The following FRMPD4 variants were observed in gnomAD, a reference collection of about 807,000 sequenced individuals.
FRMPD4 encodes FERM and PDZ domain-containing protein 4.
In FRMPD4, 22 loss-of-function variants were observed where a neutral mutation model predicts 94.1. That is an observed-to-expected ratio of 0.23 (90% confidence interval 0.17 to 0.33). The LOEUF (loss-of-function observed/expected upper bound fraction) is 0.33, where lower values mean the gene tolerates loss of function less well. Ranked by LOEUF, FRMPD4 falls within the 10% of genes least tolerant of loss-of-function variation. The probability of loss-of-function intolerance (pLI) is 1.00; values close to 1 mark genes in which losing one functional copy is unlikely to be tolerated. For missense variants in FRMPD4, 1,111 were observed against 1,339.9 expected, an observed-to-expected ratio of 0.83 and a Z score of 2.67; for synonymous variants, 631 against 548.6, an observed-to-expected ratio of 1.15 and a Z score of -2.10.
intron 1 of FRMPD4, among the ~76,000 whole-genome samples, chrX:12,156,335 G>T (rs181315901): frequency 9.0e-6 from 1 of 111,698 alleles, no homozygotes; most frequent in Non-Finnish European, 1.9e-5. Context: ...ATGGCCATCT[G>T]ATACCTCTGC....
At chrX:12,079,623 A>G (rs1266580485) in intron 3 of FRMPD4, among the ~76,000 whole-genome samples, 1 of 112,175 alleles carries the variant, frequency 8.9e-6, no homozygotes, top group Non-Finnish European at 1.9e-5. Flanking sequence ...CCATAAATCT[A>G]AAGTACTGGC....
chrX:11,902,401 C>T (rs1331009649), intron 3 of FRMPD4, among the ~76,000 whole-genome samples: 1 of 111,338 alleles, frequency 9.0e-6, no homozygotes, highest in Non-Finnish European at 1.9e-5. Context: ...TGTGCTGTGT[C>T]CTTACATGGC....
intron 4 of FRMPD4, among the ~76,000 whole-genome samples, chrX:12,664,693 GGTATCAGGACGATGCT>G (rs2059756491): frequency 8.9e-6 from 1 of 111,767 alleles, no homozygotes; most frequent in African/African-American, 3.3e-5. Flanking sequence ...TCCAGGTTTT[GGTATCAGGACGATGCT>G]GGCCTCATAA....
chrX:12,210,276 A>G (rs1263402278), intron 1 of FRMPD4, among the ~76,000 whole-genome samples: 2 of 112,175 alleles, frequency 1.8e-5, no homozygotes, highest in Non-Finnish European at 3.8e-5. Context: ...ATTGGAACCA[A>G]TCTTCCTAGT....
chrX:11,906,646 C>G (rs933959400), intron 3 of FRMPD4, among the ~76,000 whole-genome samples: 6 of 109,824 alleles, frequency 5.5e-5, no homozygotes, highest in African/African-American at 2.0e-4. Context: ...CAAGATTTTT[C>G]TTTTTCTATG....
intron 1 of FRMPD4, among the ~76,000 whole-genome samples, chrX:12,269,405 C>G (rs2054321157): frequency 9.0e-6 from 1 of 111,566 alleles, no homozygotes; most frequent in South Asian, 3.8e-4. Flanking sequence ...ATGATAGGCT[C>G]TGTTCTATAC....
chrX:12,550,726 C>A (rs1319192178), intron 2 of FRMPD4, among the ~76,000 whole-genome samples: 1 of 110,321 alleles, frequency 9.1e-6, no homozygotes, highest in Non-Finnish European at 1.9e-5. Flanking sequence ...TAATAATACT[C>A]CTCAATTCAT....
At chrX:11,919,061 T>A (rs1469947043) in intron 3 of FRMPD4, among the ~76,000 whole-genome samples, 2 of 112,703 alleles carry the variant, frequency 1.8e-5, no homozygotes, top group Non-Finnish European at 3.8e-5. Flanking sequence ...ACTTTTCTGC[T>A]ACTTGCTGTG....
At chrX:12,580,268 C>T (rs977523782) in intron 2 of FRMPD4, among the ~76,000 whole-genome samples, 2 of 111,234 alleles carry the variant, frequency 1.8e-5, no homozygotes, top group Non-Finnish European at 1.9e-5. Context: ...AACAAGGGGC[C>T]AGAGTTTGGG....
At chrX:12,307,619 G>C (rs757403523) in intron 1 of FRMPD4, among the ~76,000 whole-genome samples, 1 of 111,921 alleles carries the variant, frequency 8.9e-6, no homozygotes, top group African/African-American at 3.2e-5. Flanking sequence ...CTTCTGAGGT[G>C]CTGGAAATAG....
intron 15 of FRMPD4, 64 bp from the exon 16 acceptor site, chrX:12,717,437 C>T: frequency 1.3e-6 from 1 of 751,536 alleles, no homozygotes; most frequent in Non-Finnish European, 2.0e-6. Context: ...GTCCCATTTT[C>T]TTACATGTCT....
At chrX:12,371,406 A>C (rs1216837970) in intron 1 of FRMPD4, among the ~76,000 whole-genome samples, 1 of 112,637 alleles carries the variant, frequency 8.9e-6, no homozygotes, top group Non-Finnish European at 1.9e-5. Flanking sequence ...GAAGAGAAGA[A>C]AAAGCATGGG....
intron 1 of FRMPD4, among the ~76,000 whole-genome samples, chrX:12,427,895 CTCTTTTTTT>C (rs2056965147): frequency 1.3e-4 from 8 of 60,796 alleles, no homozygotes; most frequent in Non-Finnish European, 1.5e-4. Context: ...TTCCTTTTTT[CTCTTTTTTT>C]TTTTTTTTTT....
intron 1 of FRMPD4, among the ~76,000 whole-genome samples, chrX:12,255,273 C>CA (rs761434195): frequency 9.9e-5 from 11 of 110,956 alleles, no homozygotes; most frequent in Non-Finnish European, 1.7e-4. Context: ...GCTGCACACA[C>CA]AAGGTAGAAA....
intron 3 of FRMPD4, among the ~76,000 whole-genome samples, chrX:11,929,562 G>A (rs1431886683): frequency 8.9e-6 from 1 of 112,313 alleles, no homozygotes; most frequent in East Asian, 2.8e-4. Context: ...ACAGATGGAG[G>A]TCGAACCTGT....
rs1252279506 is a variant in FRMPD4, at chrX:12,040,677, G to A, written c.95+162659G>A. On this transcript the variant is annotated intron_variant, in intron 3 of 18. Coordinates refer to the FRMPD4 transcript ENST00000640291. ...CAAGTAGCTGGGACTACAGGCACCC[G>A]CCACCATGCCCGGTGGGGTTTTTTT... 2.0e-4 allele frequency among the ~76,000 whole-genome samples: 20 copies of A among 99,464 alleles called. No homozygotes were observed. The Admixed American group carries it at 2.1e-3, about 10-fold the overall frequency. The allele number at this position is 99,464 out of a possible 115,157, so 86.4% of individuals were successfully genotyped here. A position where few individuals can be genotyped will look rare whatever the true frequency, so the allele number is the denominator to read the frequency against.
intron 1 of FRMPD4, among the ~76,000 whole-genome samples, chrX:12,439,638 TTTG>T (rs1207867888): frequency 1.8e-5 from 2 of 111,988 alleles, no homozygotes; most frequent in Non-Finnish European, 3.8e-5. Context: ...CTCATTTCGT[TTTG>T]TTTTCTTTTA....
intron 2 of FRMPD4, among the ~76,000 whole-genome samples, chrX:12,519,142 C>T (rs1353626103): frequency 8.9e-6 from 1 of 112,170 alleles, no homozygotes; most frequent in African/African-American, 3.2e-5. Context: ...ACAAATTCAA[C>T]ACAATTCCTG....
intron 2 of FRMPD4, among the ~76,000 whole-genome samples, chrX:12,532,997 CGTT>C (rs1426391226): frequency 2.7e-5 from 3 of 111,814 alleles, no homozygotes; most frequent in African/African-American, 9.8e-5. Context: ...CATTTACAAA[CGTT>C]GTTCTTAAAA....
Sources: allele counts gnomAD v4.1 joint callset (sites outside exome capture counted in the v4.1 genomes callset), GRCh38; gene constraint gnomAD v4.1.1; transcripts MANE v1.5; gene names NCBI Gene and HGNC (gene_info 2026-07-23, HGNC 2026-07-21).